The following DLC1 variants were observed in gnomAD, a reference collection of about 807,000 sequenced individuals.
DLC1 encodes the protein DLC1 Rho GTPase activating protein.
A neutral mutation model predicts 140.3 loss-of-function variants in DLC1; 54 were observed. The ratio of observed to expected loss-of-function variants is 0.38; its 90% CI spans 0.31 to 0.48. The LOEUF (loss-of-function observed/expected upper bound fraction) is 0.48, where lower values mean the gene tolerates loss of function less well. Among genes scored for constraint, DLC1 ranks in the 20% least tolerant of loss-of-function variants. DLC1 has a pLI of 0.96. For synonymous variants in DLC1, 986 were observed against 728.1 expected, an observed-to-expected ratio of 1.35 and a Z score of -5.70; for missense variants, 2,536 against 1,907.0, an observed-to-expected ratio of 1.33 and a Z score of -6.14.
intron 2 of DLC1, among the ~76,000 whole-genome samples, chr8:13,402,220 C>A (rs533927491): frequency 6.6e-6 from 1 of 152,174 alleles, no homozygotes; most frequent in Non-Finnish European, 1.5e-5. Flanking sequence ...GCTCCCACAA[C>A]AATTTGTATT....
chr8:13,315,513 G>C (rs1470147955), intron 4 of DLC1, among the ~76,000 whole-genome samples: 3 of 152,208 alleles, frequency 2.0e-5, no homozygotes, highest in Non-Finnish European at 4.4e-5. Flanking sequence ...CTGCTCTGTG[G>C]TGTCAGAAAG....
chr8:13,362,859 C>T (rs899275175), intron 4 of DLC1, among the ~76,000 whole-genome samples: 38 of 152,120 alleles, frequency 2.5e-4, no homozygotes, highest in African/African-American at 8.7e-4. Flanking sequence ...TTTTTTCCAA[C>T]CACATGGCTG....
intron 4 of DLC1, among the ~76,000 whole-genome samples, chr8:13,332,120 C>T (rs190492789): frequency 6.6e-6 from 1 of 152,162 alleles, no homozygotes; most frequent in South Asian, 2.1e-4. Context: ...AATGTAATTG[C>T]TTATTTTTCT....
chr8:13,424,492 AAAT>A (rs943663402), intron 2 of DLC1, among the ~76,000 whole-genome samples: 2 of 152,118 alleles, frequency 1.3e-5, no homozygotes, highest in Non-Finnish European at 2.9e-5. Context: ...CTGTCTCAAA[AAAT>A]AATAATAACA....
At chr8:13,171,673 C>T (rs914219970) in intron 5 of DLC1, among the ~76,000 whole-genome samples, 4 of 152,178 alleles carry the variant, frequency 2.6e-5, no homozygotes, top group Non-Finnish European at 5.9e-5. Context: ...CAGGTGTGAA[C>T]CACCACGGCC....
At position 13,434,573 on chromosome 8, in the gene DLC1, T is replaced by C. The variant is rs954519526; in HGVS notation, c.1024-32954A>G. On this transcript the variant is annotated intron_variant, in intron 2 of 17. Coordinates refer to ENST00000276297, the MANE Select transcript of DLC1 (RefSeq NM_182643.3). Reference sequence around the variant, plus strand: ...TTTGGCTGGGGACCTAGGTTAAGTGTTGGCAAGGTGACTTACAAGGAAATT... The same window carrying C: ...TTTGGCTGGGGACCTAGGTTAAGTGCTGGCAAGGTGACTTACAAGGAAATT... Among the ~76,000 whole-genome samples, 5 of 152,182 alleles carry C rather than the reference T, an allele frequency of 3.3e-5. No individual in the cohort carries two copies. The East Asian group carries it at 9.6e-4, about 29-fold the overall frequency.
intron 5 of DLC1, among the ~76,000 whole-genome samples, chr8:13,255,234 G>A (rs1428654572): frequency 1.3e-5 from 2 of 151,950 alleles, no homozygotes; most frequent in East Asian, 3.9e-4. Flanking sequence ...GCTTCCCAAA[G>A]TGCTGGGATT....
chr8:13,143,652 T>A (rs1358406041), intron 5 of DLC1, among the ~76,000 whole-genome samples: 1 of 151,274 alleles, frequency 6.6e-6, no homozygotes. Context: ...TAAATTGGTG[T>A]CCTCTCACCT....
In DLC1 at chr8:13,099,600, C is replaced by A; in HGVS notation, c.2737G>T (p.Val913Leu). ...TTGACTATCCGCTGCATCCCCTTCA[C>A]GTGGTAGAGGATGTCGTCCAGCTCG... ...FPELDDILYHVKGMQRIVNQW... is the reference protein window; with the variant it reads ...FPELDDILYHLKGMQRIVNQW... The change falls in exon 9 of 18, where the codon GTG becomes TTG. Residue 913 changes from valine (V) to leucine (L), a missense_variant. Coordinates refer to ENST00000276297, the MANE Select transcript of DLC1 (RefSeq NM_182643.3). 10 of 1,614,186 alleles carry A rather than the reference C, an allele frequency of 6.2e-6. No individual in the cohort carries two copies. The highest frequency in any genetic ancestry group is 7.6e-6 in the Non-Finnish European group (9 of 1,180,032).
At chr8:13,277,961 CTTAAT>C (rs1831233681) in intron 5 of DLC1, among the ~76,000 whole-genome samples, 1 of 152,200 alleles carries the variant, frequency 6.6e-6, no homozygotes, top group Non-Finnish European at 1.5e-5. Flanking sequence ...TCTTTAACAA[CTTAAT>C]TATACAAAGG....
chr8:13,571,834 A>G (rs1804663101), intron 1 of DLC1, among the ~76,000 whole-genome samples: 1 of 152,182 alleles, frequency 6.6e-6, no homozygotes, highest in Admixed American at 6.5e-5. Flanking sequence ...GCAAGCTACA[A>G]GGATTCGGAT....
chr8:13,403,917 C>T (rs1837412601), intron 2 of DLC1, among the ~76,000 whole-genome samples: 1 of 150,746 alleles, frequency 6.6e-6, no homozygotes, highest in Non-Finnish European at 1.5e-5. Context: ...TCTCGGCTTC[C>T]CAAAGTGCTG....
At chr8:13,264,603 G>A (rs1465280121) in intron 5 of DLC1, among the ~76,000 whole-genome samples, 1 of 152,128 alleles carries the variant, frequency 6.6e-6, no homozygotes, top group African/African-American at 2.4e-5. Flanking sequence ...AGGAGGGAAG[G>A]AGGGAAATAT....
chr8:13,255,265 C>T (rs552458250), intron 5 of DLC1, among the ~76,000 whole-genome samples: 67 of 152,294 alleles, frequency 4.4e-4, no homozygotes, highest in Non-Finnish European at 7.6e-4. Context: ...GCCACTGAGC[C>T]ATGCCTAAGG....
chr8:13,469,565 T>G (rs1400869775), intron 2 of DLC1, among the ~76,000 whole-genome samples: 1 of 152,212 alleles, frequency 6.6e-6, no homozygotes, highest in African/African-American at 2.4e-5. Flanking sequence ...TAGTAATTAT[T>G]CAAATCGCAG....
At chr8:13,476,319 G>A (rs775656966) in intron 2 of DLC1, among the ~76,000 whole-genome samples, 1 of 152,108 alleles carries the variant, frequency 6.6e-6, no homozygotes, top group Non-Finnish European at 1.5e-5. Context: ...TAAAAAATCT[G>A]GATTGAGGTT....
intron 1 of DLC1, among the ~76,000 whole-genome samples, chr8:13,521,801 C>A (rs1269680327): frequency 6.6e-6 from 1 of 152,264 alleles, no homozygotes; most frequent in Non-Finnish European, 1.5e-5. Context: ...CTTTCCCTTT[C>A]AAGTGGAACC....
intron 5 of DLC1, among the ~76,000 whole-genome samples, chr8:13,254,338 C>G (rs935639122): frequency 6.6e-6 from 1 of 152,148 alleles, no homozygotes; most frequent in South Asian, 2.1e-4. Flanking sequence ...CAGGGGCCGG[C>G]TGCCTTTCCC....
intron 5 of DLC1, among the ~76,000 whole-genome samples, chr8:13,284,325 G>A (rs1345492021): frequency 6.6e-6 from 1 of 152,104 alleles, no homozygotes; most frequent in Non-Finnish European, 1.5e-5. Flanking sequence ...TCAGGAGTTC[G>A]AGACCAGCCT....
Sources: allele counts gnomAD v4.1 joint callset (sites outside exome capture counted in the v4.1 genomes callset), GRCh38; gene constraint gnomAD v4.1.1; transcripts MANE v1.5; gene names NCBI Gene and HGNC (gene_info 2026-07-23, HGNC 2026-07-21).